SOX6: variants seen among roughly 807,000 people sequenced by gnomAD.
The protein encoded by SOX6 is SRY-box transcription factor 6, also known as transcription factor SOX-6.
In SOX6, 11 loss-of-function variants were observed where a neutral mutation model predicts 97.8. The observed-to-expected ratio is 0.11, with a 90% CI of 0.07 to 0.19. The LOEUF (loss-of-function observed/expected upper bound fraction) is 0.19. Among genes scored for constraint, SOX6 ranks in the 10% least tolerant of loss-of-function variants. The probability of loss-of-function intolerance (pLI) is 1.00; values close to 1 mark genes in which losing one functional copy is unlikely to be tolerated. For missense variants in SOX6, 810 were observed against 1,039.5 expected, an observed-to-expected ratio of 0.78 and a Z score of 3.04; for synonymous variants, 360 against 371.4, an observed-to-expected ratio of 0.97 and a Z score of 0.35.
At chr11:16,353,506 CCAAA>C (rs903390205) in intron 1 of SOX6, among the ~76,000 whole-genome samples, 15 of 152,120 alleles carry the variant, frequency 9.9e-5, no homozygotes, top group African/African-American at 2.6e-4. Flanking sequence ...TTTATACACA[CCAAA>C]CAGTCTGGTT....
At chr11:16,436,466 G>A (rs921340552) in intron 1 of SOX6, among the ~76,000 whole-genome samples, 1 of 151,858 alleles carries the variant, frequency 6.6e-6, no homozygotes, top group Non-Finnish European at 1.5e-5. Flanking sequence ...CTCCTTTGCA[G>A]GTAACTCCCA....
At chr11:16,552,839 T>C (rs1248029478) in intron 4 of SOX6, among the ~76,000 whole-genome samples, 2 of 152,180 alleles carry the variant, frequency 1.3e-5, no homozygotes, top group African/African-American at 4.8e-5. Context: ...CTGGTACTCA[T>C]AAGTAAGTTT....
chr11:16,699,978 G>C (rs945091881), intron 3 of SOX6, among the ~76,000 whole-genome samples: 29 of 151,870 alleles, frequency 1.9e-4, no homozygotes, highest in African/African-American at 6.0e-4. Flanking sequence ...AACAGGCTCA[G>C]TTCCTTCATG....
At chr11:16,703,977 A>C (rs1351697153) in intron 3 of SOX6, among the ~76,000 whole-genome samples, 1 of 152,200 alleles carries the variant, frequency 6.6e-6, no homozygotes, top group African/African-American at 2.4e-5. Context: ...TCAAATCAAC[A>C]AATCTAATCT....
intron 3 of SOX6, among the ~76,000 whole-genome samples, chr11:16,265,665 AAG>A (rs1299518625): frequency 6.6e-6 from 1 of 151,914 alleles, no homozygotes; most frequent in Non-Finnish European, 1.5e-5. Flanking sequence ...AAGACATTAA[AAG>A]AGTTATTAAA....
chr11:16,588,696 T>A (rs1848120807), intron 4 of SOX6, among the ~76,000 whole-genome samples: 2 of 152,206 alleles, frequency 1.3e-5, no homozygotes, highest in South Asian at 2.1e-4. Context: ...CCTTAAAGAA[T>A]AAAAGATGGG....
chr11:16,144,603 C>T (rs1850239973), intron 6 of SOX6, among the ~76,000 whole-genome samples: 1 of 151,846 alleles, frequency 6.6e-6, no homozygotes, highest in East Asian at 1.9e-4. Flanking sequence ...AGAACGCTAG[C>T]AAGACTAATA....
chr11:16,389,784 C>T (rs774207482), intron 1 of SOX6, among the ~76,000 whole-genome samples: 50 of 151,428 alleles, frequency 3.3e-4, no homozygotes, highest in South Asian at 1.3e-3. Flanking sequence ...CCGGCTAACA[C>T]GGTGAAACCC....
chr11:16,330,059 T>C (rs1482920624), intron 2 of SOX6, among the ~76,000 whole-genome samples: 1 of 152,200 alleles, frequency 6.6e-6, no homozygotes, highest in Non-Finnish European at 1.5e-5. Context: ...TCTCTGAGTG[T>C]GTTCCAATTG....
intron 2 of SOX6, among the ~76,000 whole-genome samples, chr11:16,332,145 T>C (rs187036755): frequency 1.3e-5 from 2 of 152,274 alleles, no homozygotes; most frequent in East Asian, 1.9e-4. Flanking sequence ...TCATCTTTAG[T>C]AGAAGCATAC....
At chr11:16,043,731 AT>A (rs991267438) in intron 12 of SOX6, among the ~76,000 whole-genome samples, 1 of 152,186 alleles carries the variant, frequency 6.6e-6, no homozygotes, top group Non-Finnish European at 1.5e-5. Context: ...TGCAGCACAG[AT>A]CCCCCCCTGC....
At chr11:16,631,660 C>T (rs1022069444) in intron 3 of SOX6, among the ~76,000 whole-genome samples, 2 of 152,136 alleles carry the variant, frequency 1.3e-5, no homozygotes, top group African/African-American at 4.8e-5. Flanking sequence ...TTAAATAATT[C>T]CCTCAAATAT....
At chr11:16,586,097 AG>A (rs1848090779) in intron 4 of SOX6, among the ~76,000 whole-genome samples, 1 of 152,188 alleles carries the variant, frequency 6.6e-6, no homozygotes, top group Admixed American at 6.5e-5. Context: ...ACGATTACTA[AG>A]TGCTTAAAAA....
intron 2 of SOX6, among the ~76,000 whole-genome samples, chr11:16,720,323 G>A (rs1409849525): frequency 7.1e-6 from 1 of 141,674 alleles, no homozygotes. Flanking sequence ...ACTGGATTAA[G>A]AAAATGTGGC....
chr11:16,275,354 T>C (rs911767232), intron 3 of SOX6, among the ~76,000 whole-genome samples: 1 of 150,702 alleles, frequency 6.6e-6, no homozygotes, highest in Non-Finnish European at 1.5e-5. Flanking sequence ...CTGGGGAGGC[T>C]GAGGCAGGAG....
At chr11:16,090,571 C>T (rs1160828190) in intron 9 of SOX6, among the ~76,000 whole-genome samples, 1 of 151,772 alleles carries the variant, frequency 6.6e-6, no homozygotes, top group Non-Finnish European at 1.5e-5. Context: ...AGAAGCCTAT[C>T]TAGAAAAGTT....
At chr11:16,358,380 A>T (rs754505222), upstream of SOX6, among the ~76,000 whole-genome samples, 1 of 152,152 alleles carries the variant, frequency 6.6e-6, no homozygotes, top group Non-Finnish European at 1.5e-5. Flanking sequence ...GAAAATTCTC[A>T]ATTTTATTAT....
chr11:16,503,344 C>T (rs994815063), intron 4 of SOX6, among the ~76,000 whole-genome samples: 1 of 149,938 alleles, frequency 6.7e-6, no homozygotes, highest in African/African-American at 2.4e-5. Context: ...AGAAAATTAC[C>T]AAACCACAAT....
intron 7 of SOX6, among the ~76,000 whole-genome samples, chr11:16,101,727 T>C (rs1363607698): frequency 6.6e-6 from 1 of 151,654 alleles, no homozygotes; most frequent in Admixed American, 6.6e-5. Flanking sequence ...GCTTAACATA[T>C]GGAAATCAAT....
Sources: gnomAD v4.1 joint callset for allele counts (sites outside exome capture counted in the v4.1 genomes callset) on GRCh38, gnomAD v4.1.1 for gene constraint, MANE v1.5 for transcripts, NCBI Gene and HGNC (gene_info 2026-07-23, HGNC 2026-07-21) for gene names.